The following ABCA13 variants were observed in gnomAD, a reference collection of about 807,000 sequenced individuals.
ABCA13 encodes ATP-binding cassette sub-family A member 13.
Under a neutral mutation model 478.7 loss-of-function variants are expected in ABCA13, and 476 were observed. The observed-to-expected ratio is 0.99, with a 90% CI of 0.92 to 1.07. The LOEUF is 1.07. Among genes scored for constraint, ABCA13 ranks in the 50% least tolerant of loss-of-function variants. The pLI is 0.00. For synonymous variants in ABCA13, 2,252 were observed against 2,158.9 expected (o/e 1.04, Z -1.20); for missense variants, 6,060 against 5,910.6 (o/e 1.03, Z -0.83).
intron 51 of ABCA13, among the ~76,000 whole-genome samples, chr7:48,513,795 C>T (rs1026917571): frequency 6.6e-6 from 1 of 152,120 alleles, no homozygotes; most frequent in African/African-American, 2.4e-5. Context: ...GAGACGGGAG[C>T]TGCTAATACG....
At chr7:48,408,204 A>G (rs1818512677) in intron 39 of ABCA13, among the ~76,000 whole-genome samples, 1 of 152,196 alleles carries the variant, frequency 6.6e-6, no homozygotes, top group Non-Finnish European at 1.5e-5. Context: ...GAAACTTTGT[A>G]TCCCTTAACT....
At position 48,272,789 on chromosome 7, in the gene ABCA13, G is replaced by A; in HGVS notation, c.3123G>A (p.Glu1041=). The A allele has an allele frequency of 6.2e-7, 1 of 1,604,750 alleles. No individual in the cohort carries two copies. The highest frequency in any genetic ancestry group is 8.5e-7 in the Non-Finnish European group (1 of 1,174,532). The change falls in exon 17 of 62, where the codon GAG becomes GAA. Residue 1041 remains glutamate, a synonymous_variant. Transcript: ENST00000435803. ...QQLLSIFNFL[E]LQAQSFMSTE... ...TGCTTTCAATTTTTAACTTTTTGGA[G>A]CTTCAGGCCCAATCCTTCATGTCTA...
At position 48,350,715 on chromosome 7, in the gene ABCA13, A is replaced by G. The variant is rs367939159; in HGVS notation, c.10277A>G (p.Asn3426Ser). The G allele has an allele frequency of 3.1e-5, 50 of 1,613,898 alleles. No homozygotes were observed. The highest frequency in any genetic ancestry group is 1.7e-4 in the African/African-American group (13 of 74,992). Residue 3426 changes from asparagine (N) to serine (S), a missense_variant, in exon 30 of 62, where the codon AAT becomes AGT. By Grantham distance (46) the Asn-to-Ser change is conservative (BLOSUM62 1). Around this residue, in one of 3 missense-constraint regions of ABCA13, gnomAD observed 4,423 missense variants for 4,309.1 expected, o/e 1.03. Transcript: ENST00000435803. Reference sequence around the variant, plus strand: ...CGTTTCTTGGGCAGCATCTTGGTCAATCTCTCTTCCTGCGTGGCACTGAAC... The same window carrying G: ...CGTTTCTTGGGCAGCATCTTGGTCAGTCTCTCTTCCTGCGTGGCACTGAAC... ...RFRFLGSILVNLSSCVALNRF... is the reference protein window; with the variant it reads ...RFRFLGSILVSLSSCVALNRF...
intron 15 of ABCA13, among the ~76,000 whole-genome samples, chr7:48,253,456 C>G (rs529950336): frequency 9.2e-5 from 14 of 152,330 alleles, no homozygotes; most frequent in African/African-American, 2.9e-4. Flanking sequence ...AGAAAAATGT[C>G]ACAAAATTTC....
intron 31 of ABCA13, among the ~76,000 whole-genome samples, chr7:48,363,521 G>T (rs902775949): frequency 1.3e-5 from 2 of 151,882 alleles, no homozygotes; most frequent in African/African-American, 4.8e-5. Context: ...TTCTAGCTTT[G>T]CAAATTTAGA....
chr7:48,241,162 C>T, intron 10 of ABCA13, 96 bp downstream of exon 10: 4 of 1,374,768 alleles, frequency 2.9e-6, no homozygotes, highest in African/African-American at 2.9e-5. Context: ...TTCTGTAAAA[C>T]TACAGCTAAA....
intron 19 of ABCA13, among the ~76,000 whole-genome samples, chr7:48,286,661 T>C (rs917117628): frequency 1.3e-5 from 2 of 151,912 alleles, no homozygotes; most frequent in Non-Finnish European, 2.9e-5. Context: ...CCCGCCACCA[T>C]GCCCGGTTAA....
intron 29 of ABCA13, among the ~76,000 whole-genome samples, chr7:48,350,248 T>A (rs1224953487): frequency 6.6e-6 from 1 of 152,178 alleles, no homozygotes; most frequent in East Asian, 1.9e-4. Context: ...CGTGTTTTTT[T>A]TAGAATTGCT....
intron 58 of ABCA13, among the ~76,000 whole-genome samples, chr7:48,611,687 A>G (rs1476183401): frequency 6.6e-6 from 1 of 152,182 alleles, no homozygotes; most frequent in African/African-American, 2.4e-5. Context: ...ATCGGTCACC[A>G]TGATCCAGTT....
At chr7:48,289,638 C>T (rs1798236564) in intron 20 of ABCA13, among the ~76,000 whole-genome samples, 1 of 152,100 alleles carries the variant, frequency 6.6e-6, no homozygotes, top group South Asian at 2.1e-4. Flanking sequence ...GGATTACAGG[C>T]ATGAGCCACC....
At position 48,279,189 on chromosome 7, in the gene ABCA13, A is replaced by T. The variant is rs750469717; in HGVS notation, c.7995A>T (p.Thr2665=). Residue 2665 remains threonine (T), a synonymous_variant, in exon 18 of 62, where the codon ACA becomes ACT. Coordinates refer to ENST00000435803, the MANE Select transcript of ABCA13 (RefSeq NM_152701.5). ...LAVAFNNETQ[T]FSMDSVNLRE... ...TAGCATTTAACAATGAGACTCAAAC[A>T]TTTTCTATGGATTCTGTCAACTTAC... 1.9e-6 allele frequency: 3 copies of T among 1,598,128 alleles called. No individual in the cohort carries two copies. The South Asian group carries it at 3.4e-5, about 18-fold the overall frequency.
rs113943295 is a variant in ABCA13 at position 48,571,987 on chromosome 7, G to A, written c.14355-8237G>A. The stretch of plus-strand genomic sequence containing the variant: ...AAGGTTAGGAGTTCAACAGCAGCCT[G>A]CCCAACGTGGCAAAACCCCATCTCT... On this transcript the variant is annotated intron_variant, in intron 55 of 61. Transcript: ENST00000435803. Among the ~76,000 whole-genome samples the A allele has an allele frequency of 1.7e-3, 254 of 152,238 alleles. 1 individual carries two copies. The highest frequency in any genetic ancestry group is 5.7e-3 in the African/African-American group (238 of 41,568).
intron 54 of ABCA13, among the ~76,000 whole-genome samples, chr7:48,527,808 T>C (rs1332534856): frequency 1.3e-5 from 2 of 152,088 alleles, no homozygotes; most frequent in African/African-American, 4.8e-5. Flanking sequence ...CATATGTATA[T>C]ACAGTAGAAG....
In ABCA13 at chr7:48,594,891, C is replaced by A. The variant is rs1381738893; in HGVS notation, c.14744+78C>A. ...GTTAAGAAGTGCATTTAGGTACCTG[C>A]ACAGTGTTACACATGGACATTTCTT... On this transcript the variant is annotated intron_variant, in intron 58 of 61. Transcript: ENST00000435803. 7 of 1,078,550 alleles carry A rather than the reference C, an allele frequency of 6.5e-6. No homozygotes were observed. In the East Asian group the frequency reaches 1.7e-4, roughly 26 times the overall value. The allele number at this position is 1,078,550 out of a possible 1,614,324, so 66.8% of individuals were successfully genotyped here. A position where few individuals can be genotyped will look rare whatever the true frequency, so the allele number is the denominator to read the frequency against.
rs1808793688 is a variant in ABCA13, at chr7:48,350,503, A to T, written c.10205-140A>T. The T allele has an allele frequency of 9.8e-6, 10 of 1,025,472 alleles. No homozygotes were observed. In the Admixed American group the frequency reaches 2.0e-4, roughly 21 times the overall value. 63.5% of individuals were successfully genotyped at this position (1,025,472 alleles called of 1,614,324 possible). ...AATGCCAAATTTCACATATGACCAA[A>T]ATTTGACTCTTTTGAGCAATTTTTT... On this transcript the variant is annotated intron_variant, in intron 29 of 61. Coordinates refer to ENST00000435803, the MANE Select transcript of ABCA13 (RefSeq NM_152701.5).
In ABCA13 at chr7:48,248,429, A is replaced by G. The variant is rs993465575; in HGVS notation, c.1850A>G (p.Gln617Arg). 6.2e-7 allele frequency: 1 copy of G among 1,606,850 alleles called. No homozygotes were observed. The highest frequency in any genetic ancestry group is 8.5e-7 in the Non-Finnish European group (1 of 1,176,202). The change falls in exon 14 of 62, where the codon CAG becomes CGG. Residue 617 changes from glutamine (Q) to arginine (R), a missense_variant. By Grantham distance (43) the Gln-to-Arg change is conservative. Around this residue, in one of 3 missense-constraint regions of ABCA13, gnomAD observed 4,423 missense variants for 4,309.1 expected, o/e 1.03. Coordinates refer to ENST00000435803, the MANE Select transcript of ABCA13 (RefSeq NM_152701.5). ...GTCTTTTCTAGTGACTGTAAGCACC[A>G]GCTTGTCTCCACAGTGTAAGTACAT... ...NDVFSSDCKH[Q>R]LVSTVIFHTL... is the part of the protein sequence containing the mutation.
intron 23 of ABCA13, among the ~76,000 whole-genome samples, chr7:48,303,519 A>T (rs1364362828): frequency 1.3e-5 from 2 of 152,138 alleles, no homozygotes; most frequent in Non-Finnish European, 2.9e-5. Flanking sequence ...TGTATAGCAT[A>T]AGGAAGAAGC....
intron 60 of ABCA13, 145 bp downstream of exon 60, chr7:48,643,538 C>T: frequency 1.5e-6 from 1 of 658,554 alleles, no homozygotes; most frequent in Non-Finnish European, 2.5e-6. Flanking sequence ...CCCTGCCTCC[C>T]TACCAAAAAT....
chr7:48,339,598 AG>A (rs1806799995), intron 29 of ABCA13, among the ~76,000 whole-genome samples: 3 of 152,238 alleles, frequency 2.0e-5, no homozygotes, highest in African/African-American at 7.2e-5. Flanking sequence ...ACATTTGAAT[AG>A]GTTTTCCCAC....
Sources: gnomAD v4.1 joint callset for allele counts (sites outside exome capture counted in the v4.1 genomes callset) on GRCh38, gnomAD v4.1.1 for gene constraint, gnomAD v4.1.1 regional missense constraint, MANE v1.5 for transcripts, NCBI Gene and HGNC (gene_info 2026-07-23, HGNC 2026-07-21) for gene names.